MARCHF1: variants seen among roughly 807,000 people sequenced by gnomAD.
The protein encoded by MARCHF1 is E3 ubiquitin-protein ligase MARCHF1.
In MARCHF1, 40 loss-of-function variants were observed where a neutral mutation model predicts 54.2. The ratio of observed to expected loss-of-function variants is 0.74; its 90% CI spans 0.57 to 0.96. The LOEUF (loss-of-function observed/expected upper bound fraction) is 0.96. Ranked by LOEUF, MARCHF1 falls within the 40% of genes least tolerant of loss-of-function variation. The probability of loss-of-function intolerance (pLI) is 0.00; values close to 1 mark genes in which losing one functional copy is unlikely to be tolerated. For synonymous variants in MARCHF1, 236 were observed against 236.3 expected (o/e 1.00, Z 0.01); for missense variants, 586 against 656.5 (o/e 0.89, Z 1.17).
intron 1 of MARCHF1, among the ~76,000 whole-genome samples, chr4:164,168,642 T>C (rs1291637867): frequency 6.6e-6 from 1 of 151,012 alleles, no homozygotes; most frequent in Non-Finnish European, 1.5e-5. Flanking sequence ...AAATCTTGCA[T>C]GATCTCACTT....
At chr4:163,831,117 G>C (rs922735915) in intron 4 of MARCHF1, among the ~76,000 whole-genome samples, 1 of 152,116 alleles carries the variant, frequency 6.6e-6, no homozygotes, top group Non-Finnish European at 1.5e-5. Context: ...TCTTTCCTAT[G>C]GCTAAATTCT....
At chr4:164,169,215 A>C (rs1730462619) in intron 1 of MARCHF1, among the ~76,000 whole-genome samples, 1 of 152,122 alleles carries the variant, frequency 6.6e-6, no homozygotes, top group South Asian at 2.1e-4. Flanking sequence ...ATTTCTTTAA[A>C]AAATTAAAGT....
intron 2 of MARCHF1, among the ~76,000 whole-genome samples, chr4:164,079,058 C>A (rs1178678228): frequency 6.6e-6 from 1 of 152,158 alleles, no homozygotes; most frequent in Non-Finnish European, 1.5e-5. Flanking sequence ...GAAGGTTCAG[C>A]ATCTTTTTCT....
intron 4 of MARCHF1, among the ~76,000 whole-genome samples, chr4:163,790,040 A>C (rs1747732220): frequency 6.6e-6 from 1 of 152,118 alleles, no homozygotes; most frequent in Non-Finnish European, 1.5e-5. Context: ...AGCTAAGATC[A>C]GGATAATTTT....
At chr4:164,034,086 G>A (rs922769729) in intron 2 of MARCHF1, among the ~76,000 whole-genome samples, 1 of 136,696 alleles carries the variant, frequency 7.3e-6, no homozygotes, top group South Asian at 2.5e-4. Context: ...TAGATAGATA[G>A]ATAGATAGAT....
chr4:163,527,835 T>C lies in MARCHF1; in HGVS notation c.*913A>G, dbSNP rs377704004. On this transcript the variant is annotated 3_prime_UTR_variant, in exon 10 of 10. Transcript: ENST00000514618. ...GTAAACTATCAATCAATCAATCAAT[T>C]TTTTATATTGATGACATGTTGAAAT... 1 of 127,714 alleles carries C rather than the reference T, an allele frequency of 7.8e-6. No homozygotes were observed. The highest frequency in any genetic ancestry group is 1.8e-5 in the Non-Finnish European group (1 of 57,020). The allele number at this position is 127,714 out of a possible 1,614,324, so 7.9% of individuals were successfully genotyped here.
intron 3 of MARCHF1, among the ~76,000 whole-genome samples, chr4:163,859,042 G>T (rs1201190175): frequency 6.6e-6 from 1 of 152,150 alleles, no homozygotes; most frequent in African/African-American, 2.4e-5. Flanking sequence ...AACTGAAATA[G>T]AATCCAATAA....
chr4:163,637,125 C>T (rs1170099729), intron 5 of MARCHF1, among the ~76,000 whole-genome samples: 1 of 151,618 alleles, frequency 6.6e-6, no homozygotes, highest in African/African-American at 2.4e-5. Context: ...AAGCGTTAGA[C>T]CTAAAACCAT....
chr4:163,570,780 A>G (rs1435124914), intron 8 of MARCHF1, among the ~76,000 whole-genome samples: 3 of 152,136 alleles, frequency 2.0e-5, no homozygotes, highest in African/African-American at 7.2e-5. Flanking sequence ...TAGTTTTGGC[A>G]ACAATCAGCT....
chr4:163,588,227 AT>A (rs1418921884), intron 7 of MARCHF1, among the ~76,000 whole-genome samples: 6 of 152,150 alleles, frequency 3.9e-5, no homozygotes, highest in Non-Finnish European at 8.8e-5. Flanking sequence ...ATAGCACCAC[AT>A]ATGAAAGGCC....
intron 2 of MARCHF1, among the ~76,000 whole-genome samples, chr4:164,017,561 T>G (rs1234479504): frequency 1.3e-5 from 2 of 151,742 alleles, no homozygotes; most frequent in African/African-American, 4.8e-5. Context: ...AAAACACCAT[T>G]TACAATAGCA....
At chr4:163,548,008 ACT>A (rs1404644151) in intron 8 of MARCHF1, among the ~76,000 whole-genome samples, 3 of 151,982 alleles carry the variant, frequency 2.0e-5, no homozygotes, top group Non-Finnish European at 4.4e-5. Flanking sequence ...TTCAATTTAG[ACT>A]CTATTTTGAA....
chr4:163,534,501 C>T (rs902956355), intron 9 of MARCHF1, among the ~76,000 whole-genome samples: 3 of 152,006 alleles, frequency 2.0e-5, no homozygotes, highest in African/African-American at 7.2e-5. Context: ...TCTCTCCCTA[C>T]CCAAGTCGCT....
rs933998520 is a variant in MARCHF1 at position 163,912,655 on chromosome 4, A to C, written c.-38-58486T>G. On this transcript the variant is annotated intron_variant, in intron 3 of 9. Transcript: ENST00000514618. ...TATGGTGATCCACATTGATTATTTA[A>C]GACAGTTAACATTTCTTCTTCTTGT... is the stretch of plus-strand genomic sequence containing the variant. Among the ~76,000 whole-genome samples, 74 of 152,190 alleles carry C rather than the reference A, an allele frequency of 4.9e-4. 1 individual carries two copies. Among genetic ancestry groups the C allele is most frequent in the Admixed American group, 3.5e-3 (53 of 15,258 alleles).
At chr4:163,615,373 A>C (rs1035231206) in intron 5 of MARCHF1, among the ~76,000 whole-genome samples, 1 of 152,182 alleles carries the variant, frequency 6.6e-6, no homozygotes, top group Non-Finnish European at 1.5e-5. Context: ...AAACAGATGC[A>C]GTAAATTTGC....
chr4:164,166,019 C>T (rs1043444013), intron 1 of MARCHF1, among the ~76,000 whole-genome samples: 1 of 151,872 alleles, frequency 6.6e-6, no homozygotes, highest in Non-Finnish European at 1.5e-5. Flanking sequence ...AATGATGTAG[C>T]AACTCATTTT....
chr4:164,122,360 A>C (rs1419045269), intron 1 of MARCHF1, among the ~76,000 whole-genome samples: 1 of 152,104 alleles, frequency 6.6e-6, no homozygotes, highest in Non-Finnish European at 1.5e-5. Context: ...CAAGCTGCAG[A>C]CATAGATATT....
At chr4:163,699,968 T>G (rs1032293254) in intron 5 of MARCHF1, among the ~76,000 whole-genome samples, 2 of 151,950 alleles carry the variant, frequency 1.3e-5, no homozygotes, top group African/African-American at 4.8e-5. Context: ...ATTTTGTTTT[T>G]TTTTTTTAAT....
Position 163,816,420 on chromosome 4 carries a change from C to G in MARCHF1, c.111+37601G>C, listed in dbSNP as rs1261723507. On this transcript the variant is annotated intron_variant, in intron 4 of 9. Transcript: ENST00000514618. ...AAATAGTATTCAAGTTCAACTAAAA[C>G]TCTTTACCTTCATACATACAAGGGG... 4.6e-4 allele frequency among the ~76,000 whole-genome samples: 69 copies of G among 151,598 alleles called. 1 individual carries two copies. The highest frequency in any genetic ancestry group is 1.6e-3 in the African/African-American group (65 of 41,324).
Sources: allele counts gnomAD v4.1 joint callset (sites outside exome capture counted in the v4.1 genomes callset), GRCh38; gene constraint gnomAD v4.1.1; transcripts MANE v1.5; gene names NCBI Gene and HGNC (gene_info 2026-07-23, HGNC 2026-07-21).